Variants in TUBGCP6 observed in about 807,000 individuals in gnomAD.
The protein encoded by TUBGCP6 is tubulin gamma complex component 6.
Under a neutral mutation model 175.8 loss-of-function variants are expected in TUBGCP6, and 161 were observed. The ratio of observed to expected loss-of-function variants is 0.92; its 90% CI spans 0.81 to 1.04. TUBGCP6 has a LOEUF of 1.04. Among genes scored for constraint, TUBGCP6 ranks in the 50% least tolerant of loss-of-function variants. The pLI is 0.00. For missense variants in TUBGCP6, 2,572 were observed against 2,433.0 expected (o/e 1.06, Z -1.20); for synonymous variants, 1,173 against 1,030.5 (o/e 1.14, Z -2.65).
intron 4 of TUBGCP6, among the ~76,000 whole-genome samples, chr22:50,228,551 C>T (rs1026267081): frequency 1.3e-5 from 2 of 152,184 alleles, no homozygotes; most frequent in East Asian, 3.8e-4. Context: ...GGACCAATCT[C>T]AGTCCACCCA....
At chr22:50,241,960 G>A (rs865886192) in intron 1 of TUBGCP6, among the ~76,000 whole-genome samples, 23 of 126,946 alleles carry the variant, frequency 1.8e-4, no homozygotes, top group Non-Finnish European at 1.2e-4. Context: ...CTGTAGGGCT[G>A]GTCCCTACAC....
intron 2 of TUBGCP6, among the ~76,000 whole-genome samples, chr22:50,234,485 C>A (rs1335709347): frequency 2.1e-5 from 3 of 144,998 alleles, no homozygotes; most frequent in African/African-American, 7.7e-5. Context: ...CCCCCGTCCA[C>A]AGCAGCAGCA....
intron 2 of TUBGCP6, among the ~76,000 whole-genome samples, chr22:50,234,380 C>T (rs112553260): frequency 6.8e-5 from 10 of 146,658 alleles, no homozygotes; most frequent in African/African-American, 2.5e-4. Flanking sequence ...CCCAGGTCCA[C>T]GGCAGCATCA....
rs371825619 is a variant in TUBGCP6 at position 50,218,591 on chromosome 22, G to A, written c.4851C>T (p.Thr1617=). The A allele has an allele frequency of 4.5e-5, 72 of 1,613,546 alleles. No homozygotes were observed. Among genetic ancestry groups the A allele is most frequent in the East Asian group, 6.7e-5 (3 of 44,882 alleles). Residue 1617 remains threonine (T), a synonymous_variant, in exon 22 of 25, where the codon ACC becomes ACT. Coordinates refer to ENST00000248846, the MANE Select transcript of TUBGCP6 (RefSeq NM_020461.4). ...KVDWPLNIVI[T]EGCVSKYSGV... Reference sequence around the variant, plus strand: ...CGCTGTACTTGCTCACGCAGCCCTCGGTGATGACAATGTTGAGAGGCCAGT... The same window carrying A: ...CGCTGTACTTGCTCACGCAGCCCTCAGTGATGACAATGTTGAGAGGCCAGT...
Position 50,220,248 on chromosome 22 carries a change from G to A in TUBGCP6, c.4108+3C>T. On this transcript the variant is annotated splice_donor_region_variant and intron_variant, in intron 16 of 24. Transcript: ENST00000248846. The stretch of plus-strand genomic sequence containing the variant: ...TCCTGACCACCAGCCACCCTACTCT[G>A]ACCTAGTTCTTCAGAGACACTGTCT... The A allele has an allele frequency of 1.9e-6, 3 of 1,551,756 alleles. No individual in the cohort carries two copies. Among genetic ancestry groups the A allele is most frequent in the Non-Finnish European group, 2.6e-6 (3 of 1,145,254 alleles).
At chr22:50,224,074 G>T in intron 13 of TUBGCP6, 67 bp downstream of exon 13, 1 of 1,383,970 alleles carries the variant, frequency 7.2e-7, no homozygotes, top group Non-Finnish European at 1.0e-6. Flanking sequence ...TCATCAGTAA[G>T]ATTAAGCCAG....
chr22:50,227,073 G>C lies in TUBGCP6; in HGVS notation c.1417C>G (p.Leu473Val). ...GCGCCAACGCCACAGAGCTCGGCCAGGTACCTAGACCCAGAGGCAGGATGA... is the reference window on the plus strand; with the variant it reads ...GCGCCAACGCCACAGAGCTCGGCCACGTACCTAGACCCAGAGGCAGGATGA... ...FKKLGRQLRY[L>V]AELCGVGAVL... Residue 473 changes from leucine (L) to valine (V), a missense_variant, in exon 6 of 25, where the codon CTG becomes GTG. Transcript: ENST00000248846. The C allele has an allele frequency of 6.2e-7, 1 of 1,610,912 alleles. No individual in the cohort carries two copies. The highest frequency in any genetic ancestry group is 8.5e-7 in the Non-Finnish European group (1 of 1,178,952).
chr22:50,241,020 G>A (rs985384565), intron 1 of TUBGCP6, among the ~76,000 whole-genome samples: 10 of 152,236 alleles, frequency 6.6e-5, no homozygotes, highest in South Asian at 2.1e-4. Flanking sequence ...GCAAGAGACC[G>A]AGGGCACGAG....
intron 2 of TUBGCP6, among the ~76,000 whole-genome samples, chr22:50,239,027 C>T (rs995474115): frequency 3.9e-5 from 6 of 152,184 alleles, no homozygotes; most frequent in Admixed American, 3.3e-4. Context: ...TGCCAGAGCC[C>T]AGCCACTGCA....
chr22:50,219,233 G>A, intron 19 of TUBGCP6, 24 bp from the exon 20 acceptor site: 1 of 1,610,750 alleles, frequency 6.2e-7, no homozygotes, highest in Non-Finnish European at 8.5e-7. Flanking sequence ...GCTGGAGTCA[G>A]GGCGGGCCAG....
In TUBGCP6 at chr22:50,219,194, G is replaced by A. The variant is rs1474042411; in HGVS notation, c.4500C>T (p.Asn1500=). The A allele has an allele frequency of 6.2e-7, 1 of 1,611,510 alleles. No individual in the cohort carries two copies. Among genetic ancestry groups the A allele is most frequent in the Non-Finnish European group, 8.5e-7 (1 of 1,179,984 alleles). ...CGAAGAAGTAGTCGACAGCGGCCTT[G>A]TTCACCAAGGAGATGCTGGCAGGAG... ...APLAAHISLV[N]KAAVDYFFVE... Residue 1500 remains asparagine, a synonymous_variant, in exon 20 of 25, where the codon AAC becomes AAT. Transcript: ENST00000248846.
At chr22:50,222,125 G>C in intron 14 of TUBGCP6, 23 bp from the exon 15 acceptor site, 1 of 1,610,980 alleles carries the variant, frequency 6.2e-7, no homozygotes, top group South Asian at 1.1e-5. Flanking sequence ...CCAGAGGGGT[G>C]ACTGGCCAAG....
chr22:50,226,456 CAG>C (rs2064611129), intron 7 of TUBGCP6, 78 bp from the exon 8 acceptor site: 1 of 1,370,538 alleles, frequency 7.3e-7, no homozygotes, highest in South Asian at 1.2e-5. Flanking sequence ...AGGGGTGGGA[CAG>C]GGGCGTGGCT....
At position 50,240,357 on chromosome 22, in the gene TUBGCP6, C is replaced by T. The variant is rs1342063523; in HGVS notation, c.752G>A (p.Ser251Asn). Residue 251 changes from serine (S) to asparagine (N), a missense_variant, in exon 2 of 25, where the codon AGT (serine) becomes AAT (asparagine). By Grantham distance (46) the Ser-to-Asn change is conservative. Coordinates refer to ENST00000248846, the MANE Select transcript of TUBGCP6 (RefSeq NM_020461.4). ...TCCTTCGTCTTCCCACTGATCCACA[C>T]TCGGTGGGACCTGGAGACACAGGGA... Reference protein sequence around the residue: ...LSGLAIKVPPSVDQWEDEGFQ... With the variant: ...LSGLAIKVPPNVDQWEDEGFQ... The T allele has an allele frequency of 1.9e-6, 3 of 1,611,710 alleles. No homozygotes were observed. The highest frequency in any genetic ancestry group is 1.7e-5 in the Admixed American group (1 of 59,812).
chr22:50,218,566 C>T lies in TUBGCP6; in HGVS notation c.4876G>A (p.Gly1626Ser), dbSNP rs201575861. 48 of 1,613,832 alleles carry T rather than the reference C, an allele frequency of 3.0e-5. No homozygotes were observed. The highest frequency in any genetic ancestry group is 1.8e-4 in the East Asian group (8 of 44,862). ...ITEGCVSKYS[G>S]VFSFLLQLKL... ...AGCTGCAGCAGGAAGGAGAAGACGC[C>T]GCTGTACTTGCTCACGCAGCCCTCG... Residue 1626 changes from glycine (G) to serine (S), a missense_variant, in exon 22 of 25, where the codon GGC becomes AGC. By Grantham distance (56) the Gly-to-Ser change is moderately conservative. Transcript: ENST00000248846.
chr22:50,219,820 T>TC (rs1284535542), intron 17 of TUBGCP6, 29 bp from the exon 18 acceptor site: 4 of 1,608,870 alleles, frequency 2.5e-6, no homozygotes, highest in African/African-American at 2.7e-5. Context: ...CAGAACCACC[T>TC]CCCCACTGCA....
intron 1 of TUBGCP6, among the ~76,000 whole-genome samples, chr22:50,241,050 T>C (rs1377130244): frequency 1.3e-5 from 2 of 152,216 alleles, no homozygotes; most frequent in Admixed American, 6.5e-5. Flanking sequence ...TACAATAAAA[T>C]ATATAGAACA....
At position 50,220,897 on chromosome 22, in the gene TUBGCP6, G is replaced by C; in HGVS notation, c.3462C>G (p.Thr1154=). Residue 1154 remains threonine (T), a synonymous_variant, in exon 16 of 25, where the codon ACC becomes ACG. Coordinates refer to ENST00000248846, the MANE Select transcript of TUBGCP6 (RefSeq NM_020461.4). ...GTCCATGGGTGTTCCACCGTGGCCG[G>C]GTGGGAGCCACGTCCGACACGTTCT... ...VGENVSDVAP[T]RPRWNTHGHV... 1 of 1,612,236 alleles carries C rather than the reference G, an allele frequency of 6.2e-7. No homozygotes were observed. The highest frequency in any genetic ancestry group is 8.5e-7 in the Non-Finnish European group (1 of 1,179,618).
In TUBGCP6 at chr22:50,222,447, G is replaced by T. The variant is rs763902452; in HGVS notation, c.2409+7C>A. On this transcript the variant is annotated splice_region_variant and intron_variant, in intron 14 of 24. Coordinates refer to ENST00000248846, the MANE Select transcript of TUBGCP6 (RefSeq NM_020461.4). The stretch of plus-strand genomic sequence containing the variant: ...GGAAGAGCTGCCATCTGAAGCCGCA[G>T]ACATACCTGAATGTGTTTCTCATCT... The T allele has an allele frequency of 1.2e-6, 2 of 1,613,434 alleles. No individual in the cohort carries two copies. The highest frequency in any genetic ancestry group is 8.5e-7 in the Non-Finnish European group (1 of 1,179,968).
Sources: allele counts gnomAD v4.1 joint callset (sites outside exome capture counted in the v4.1 genomes callset), GRCh38; gene constraint gnomAD v4.1.1; transcripts MANE v1.5; gene names NCBI Gene and HGNC (gene_info 2026-07-23, HGNC 2026-07-21).